The following ZNF423 variants were observed in gnomAD, a reference collection of about 807,000 sequenced individuals.
ZNF423 encodes the protein zinc finger protein 423.
In ZNF423, 12 loss-of-function variants were observed where a neutral mutation model predicts 95.8. The observed-to-expected ratio is 0.13, with a 90% CI of 0.08 to 0.20. ZNF423 has a LOEUF of 0.20. ZNF423 is among the 10% of genes least tolerant of loss of function. The probability of loss-of-function intolerance (pLI) is 1.00; values close to 1 mark genes in which losing one functional copy is unlikely to be tolerated. For synonymous variants in ZNF423, 749 were observed against 711.9 expected, an observed-to-expected ratio of 1.05 and a Z score of -0.83; for missense variants, 1,316 against 1,737.1, an observed-to-expected ratio of 0.76 and a Z score of 4.31.
At chr16:49,814,706 A>C (rs75226340) in intron 1 of ZNF423, among the ~76,000 whole-genome samples, 1 of 151,770 alleles carries the variant, frequency 6.6e-6, no homozygotes, top group Admixed American at 6.6e-5. Flanking sequence ...AAAAAAAAAA[A>C]TTAATCCGCA....
At chr16:49,716,095 T>G (rs1041942392) in intron 3 of ZNF423, among the ~76,000 whole-genome samples, 1 of 151,944 alleles carries the variant, frequency 6.6e-6, no homozygotes. Context: ...CAGAGTCAGA[T>G]GCAAGCTGTC....
chr16:49,636,299 C>T lies in ZNF423; in HGVS notation c.2877G>A (p.Thr959=), dbSNP rs201950383. Residue 959 remains threonine (T), a synonymous_variant, in exon 4 of 8, where the codon ACG becomes ACA. Transcript: ENST00000563137. The surrounding 1 kb of genome is among the most constrained non-coding windows in gnomAD (Gnocchi z 8.6). The part of the protein sequence containing the change: ...SENGLREHLQ[T]HRGPAKHYMC... ...TGTAGTGCTTGGCAGGGCCCCGGTG[C>T]GTCTGCAGGTGCTCCCGTAGCCCGT... The T allele has an allele frequency of 1.9e-5, 30 of 1,612,526 alleles. No individual in the cohort carries two copies. The highest frequency in any genetic ancestry group is 1.7e-5 in the Admixed American group (1 of 60,010).
intron 1 of ZNF423, among the ~76,000 whole-genome samples, chr16:49,846,380 G>A (rs1166093351): frequency 6.6e-6 from 1 of 151,960 alleles, no homozygotes. Context: ...GTACGTCCAG[G>A]CTGGATGAAA....
intron 3 of ZNF423, among the ~76,000 whole-genome samples, chr16:49,652,015 C>T (rs1973426337): frequency 6.6e-6 from 1 of 152,202 alleles, no homozygotes; most frequent in African/African-American, 2.4e-5. Flanking sequence ...AGCTTCAAGA[C>T]CCCTCATTAT....
chr16:49,653,311 C>CA (rs5816652), intron 3 of ZNF423, among the ~76,000 whole-genome samples: 42,546 of 99,014 alleles, frequency 0.43, 8,786 homozygotes, highest in East Asian at 0.51. Flanking sequence ...CAAGAACCAC[C>CA]AAAAAAAAAA....
intron 5 of ZNF423, among the ~76,000 whole-genome samples, chr16:49,567,147 G>A (rs62030974): frequency 0.12 from 18,122 of 152,120 alleles, 1,208 homozygotes; most frequent in East Asian, 0.27. Flanking sequence ...ACAGAGACTT[G>A]CCAAAGATCA....
chr16:49,704,214 AG>A (rs1347032395), intron 3 of ZNF423, among the ~76,000 whole-genome samples: 1 of 152,098 alleles, frequency 6.6e-6, no homozygotes, highest in African/African-American at 2.4e-5. Context: ...AGAACTGAAA[AG>A]GAGAAGGGAA....
chr16:49,676,238 G>A (rs2031042139), intron 3 of ZNF423, among the ~76,000 whole-genome samples: 1 of 152,248 alleles, frequency 6.6e-6, no homozygotes, highest in African/African-American at 2.4e-5. Flanking sequence ...CCTTGCAGCT[G>A]TGCTGCAGAG....
chr16:49,790,291 T>C (rs1208837082), intron 1 of ZNF423, among the ~76,000 whole-genome samples: 1 of 152,260 alleles, frequency 6.6e-6, no homozygotes, highest in Admixed American at 6.5e-5. Context: ...GCTCTGCATA[T>C]GTGCAGGCTG....
chr16:49,552,906 C>T (rs1415559675), intron 5 of ZNF423, among the ~76,000 whole-genome samples: 1 of 151,914 alleles, frequency 6.6e-6, no homozygotes, highest in Non-Finnish European at 1.5e-5. Context: ...GAGACCCGAC[C>T]CCACCTGGAC....
chr16:49,516,740 C>G (rs1397871931), intron 7 of ZNF423, among the ~76,000 whole-genome samples: 3 of 152,230 alleles, frequency 2.0e-5, no homozygotes, highest in Non-Finnish European at 2.9e-5. Flanking sequence ...GAAAAGCACC[C>G]TGAACTTGCT....
At chr16:49,602,691 A>G (rs1971413924) in intron 5 of ZNF423, among the ~76,000 whole-genome samples, 1 of 152,182 alleles carries the variant, frequency 6.6e-6, no homozygotes, top group African/African-American at 2.4e-5. Flanking sequence ...CGTTTCCAGC[A>G]TGCAGGAATT....
At chr16:49,680,502 G>A (rs551530102) in intron 3 of ZNF423, among the ~76,000 whole-genome samples, 9 of 152,174 alleles carry the variant, frequency 5.9e-5, no homozygotes, top group Non-Finnish European at 1.0e-4. Context: ...GCAGCCCTTC[G>A]GTGAGCCCAG....
At chr16:49,829,066 A>G (rs190786891) in intron 1 of ZNF423, among the ~76,000 whole-genome samples, 1 of 152,304 alleles carries the variant, frequency 6.6e-6, no homozygotes, top group East Asian at 1.9e-4. Context: ...ACAATGCAGC[A>G]GCACCCATAT....
intron 3 of ZNF423, among the ~76,000 whole-genome samples, chr16:49,669,868 T>C (rs1462253214): frequency 6.6e-6 from 1 of 152,162 alleles, no homozygotes; most frequent in African/African-American, 2.4e-5. Context: ...CCTCCTTGGC[T>C]CTGCTTACTT....
intron 3 of ZNF423, among the ~76,000 whole-genome samples, chr16:49,697,817 C>T (rs756424526): frequency 3.3e-5 from 5 of 152,254 alleles, no homozygotes; most frequent in Non-Finnish European, 7.3e-5. Flanking sequence ...ACCTACGGTG[C>T]GGGCAGGCGG....
Position 49,747,168 on chromosome 16 carries a change from A to G in ZNF423, c.101-16197T>C, listed in dbSNP as rs191114760. On this transcript the variant is annotated intron_variant, in intron 2 of 7. Coordinates refer to ENST00000563137, the MANE Select transcript of ZNF423 (RefSeq NM_001379286.1). ...TATCTGCTGCAGGATGATTTGTAAT[A>G]GCCAAAAAAAATTAGCATCTACATC... 7.6e-4 allele frequency among the ~76,000 whole-genome samples: 115 copies of G among 152,316 alleles called. 2 individuals carry two copies. In the East Asian group the frequency reaches 0.013, roughly 17 times the overall value.
intron 5 of ZNF423, 119 bp from the exon 6 acceptor site, chr16:49,525,613 G>A (rs1219363620): frequency 1.4e-6 from 2 of 1,432,192 alleles, no homozygotes; most frequent in Non-Finnish European, 1.9e-6. Flanking sequence ...CACCGGGGCT[G>A]GTGAAGGGAC....
At position 49,716,103 on chromosome 16, in the gene ZNF423, G is replaced by C. The variant is rs575193770; in HGVS notation, c.301+14668C>G. 7.9e-5 allele frequency among the ~76,000 whole-genome samples: 12 copies of C among 152,172 alleles called. No homozygotes were observed. The South Asian group carries it at 1.9e-3, about 24-fold the overall frequency. ...GGAGGAGCAGAGTCAGATGCAAGCT[G>C]TCCTGAGGACAGCGGAGGGCAGTTG... On this transcript the variant is annotated intron_variant, in intron 3 of 7. Transcript: ENST00000563137.
Sources: allele counts gnomAD v4.1 joint callset (sites outside exome capture counted in the v4.1 genomes callset), GRCh38; gene constraint gnomAD v4.1.1; non-coding constraint Gnocchi (gnomAD v3.1); transcripts MANE v1.5; gene names NCBI Gene and HGNC (gene_info 2026-07-23, HGNC 2026-07-21).